Variants in TCF12 observed in about 807,000 individuals in gnomAD.
The protein encoded by TCF12 is DNA-binding protein HTF4.
In TCF12, 45 loss-of-function variants were observed where a neutral mutation model predicts 86.0. That is an observed-to-expected ratio of 0.52 (90% CI 0.41 to 0.67). The LOEUF (loss-of-function observed/expected upper bound fraction) is 0.67, where lower values mean the gene tolerates loss of function less well. TCF12 is among the 30% of genes least tolerant of loss of function. The pLI is 0.00. For synonymous variants in TCF12, 330 were observed against 299.6 expected (o/e 1.10, Z -1.05); for missense variants, 881 against 859.9 (o/e 1.02, Z -0.31).
chr15:57,217,051 T>C (rs2058361740), intron 8 of TCF12, among the ~76,000 whole-genome samples: 1 of 152,162 alleles, frequency 6.6e-6, no homozygotes. Context: ...CAGTAGTGTA[T>C]ACCAAGTGAC....
At chr15:56,935,608 T>G (rs2060435637) in intron 3 of TCF12, among the ~76,000 whole-genome samples, 1 of 152,148 alleles carries the variant, frequency 6.6e-6, no homozygotes, top group African/African-American at 2.4e-5. Flanking sequence ...CAATATGTAG[T>G]CTTTTATCCC....
intron 5 of TCF12, among the ~76,000 whole-genome samples, chr15:57,124,023 C>G (rs2051448045): frequency 1.3e-5 from 2 of 148,632 alleles, no homozygotes; most frequent in African/African-American, 4.9e-5. Context: ...TCACATTGCC[C>G]AGGCTGGTCT....
rs2061961312 is a variant in TCF12, at chr15:57,287,168, A to G, written c.*1023A>G. On this transcript the variant is annotated 3_prime_UTR_variant, in exon 21 of 21. Coordinates refer to ENST00000333725, the MANE Select transcript of TCF12 (RefSeq NM_207037.2). ...CAGTACTTGTAAAGTGTTAGCTGTA[A>G]GTAAGCACAAAATACATTTAAAATA... The G allele has an allele frequency of 6.5e-6, 1 of 153,830 alleles. No homozygotes were observed. Among genetic ancestry groups the G allele is most frequent in the Admixed American group, 6.4e-5 (1 of 15,548 alleles). The allele number at this position is 153,830 out of a possible 1,614,324, so 9.5% of individuals were successfully genotyped here.
intron 3 of TCF12, among the ~76,000 whole-genome samples, chr15:57,042,968 T>G (rs2141470481): frequency 6.6e-6 from 1 of 152,314 alleles, no homozygotes; most frequent in Middle Eastern, 3.4e-3. Flanking sequence ...GTTTCGCTAC[T>G]TTAGATACTT....
At chr15:57,167,850 G>A (rs911248574) in intron 6 of TCF12, among the ~76,000 whole-genome samples, 12 of 152,076 alleles carry the variant, frequency 7.9e-5, no homozygotes, top group East Asian at 1.9e-4. Flanking sequence ...TCTATTTTCC[G>A]TTTATGGTTA....
At chr15:57,023,869 G>A (rs1447232219) in intron 3 of TCF12, among the ~76,000 whole-genome samples, 2 of 152,180 alleles carry the variant, frequency 1.3e-5, no homozygotes, top group Non-Finnish European at 2.9e-5. Flanking sequence ...TGGGACATAA[G>A]TATTCCACCT....
intron 3 of TCF12, among the ~76,000 whole-genome samples, chr15:57,022,636 C>T (rs770991509): frequency 1.1e-4 from 16 of 152,186 alleles, no homozygotes; most frequent in Non-Finnish European, 1.6e-4. Context: ...CTTGTGGAAT[C>T]GCCACCACTG....
intron 8 of TCF12, among the ~76,000 whole-genome samples, chr15:57,222,737 TG>T (rs1405304114): frequency 7.0e-6 from 1 of 142,952 alleles, no homozygotes; most frequent in South Asian, 2.3e-4. Flanking sequence ...AGAAAAGTTT[TG>T]GGGGAAAAAA....
chr15:57,276,559 C>T (rs558393914), intron 19 of TCF12, among the ~76,000 whole-genome samples: 2 of 152,198 alleles, frequency 1.3e-5, no homozygotes, highest in Admixed American at 6.5e-5. Flanking sequence ...GTGCTGAATA[C>T]AGTGATTTCT....
intron 4 of TCF12, among the ~76,000 whole-genome samples, chr15:57,069,478 C>G (rs11631541): frequency 0.36 from 55,035 of 152,028 alleles, 12,413 homozygotes; most frequent in Non-Finnish European, 0.5. Context: ...AGTCATTTAT[C>G]TTTTTGCTCT....
intron 6 of TCF12, among the ~76,000 whole-genome samples, chr15:57,171,718 C>T (rs1198142331): frequency 2.6e-5 from 4 of 152,128 alleles, no homozygotes; most frequent in Non-Finnish European, 4.4e-5. Flanking sequence ...TAAAAGGAAA[C>T]TCATGTGGCA....
At chr15:56,971,426 A>G (rs1236332657) in intron 3 of TCF12, among the ~76,000 whole-genome samples, 2 of 152,042 alleles carry the variant, frequency 1.3e-5, no homozygotes, top group Admixed American at 1.3e-4. Flanking sequence ...CTTTATCTCA[A>G]AAAAGAAAAA....
chr15:57,063,891 G>T lies in TCF12; in HGVS notation c.222+68G>T, dbSNP rs73413351. On this transcript the variant is annotated intron_variant, in intron 4 of 20. Coordinates refer to ENST00000333725, the MANE Select transcript of TCF12 (RefSeq NM_207037.2). ...AGACTACGTAATTTCTTTCATATATGCTGTTTCTTATGAGAAATGAAAATT... is the reference window on the plus strand; with the variant it reads ...AGACTACGTAATTTCTTTCATATATTCTGTTTCTTATGAGAAATGAAAATT... 1,103 of 1,196,844 alleles carry T rather than the reference G, an allele frequency of 9.2e-4. 4 individuals are homozygous for T. In the African/African-American group the frequency reaches 0.013, roughly 14 times the overall value. The allele number at this position is 1,196,844 out of a possible 1,614,324, so 74.1% of individuals were successfully genotyped here.
chr15:57,126,990 T>C (rs1459714167), intron 5 of TCF12, among the ~76,000 whole-genome samples: 1 of 151,480 alleles, frequency 6.6e-6, no homozygotes, highest in Admixed American at 6.6e-5. Context: ...TTTTCTTTTT[T>C]TTTTTTTGGA....
Position 57,231,138 on chromosome 15 carries a change from T to C in TCF12, c.580-14T>C. On this transcript the variant is annotated splice_polypyrimidine_tract_variant and intron_variant, in intron 8 of 20. Transcript: ENST00000333725. ...TCATTTACATTTTAATTAAATGTGC[T>C]GTTTAATTTTAAGGTATATGCACCA... The C allele has an allele frequency of 6.5e-7, 1 of 1,547,342 alleles. No homozygotes were observed. Among genetic ancestry groups the C allele is most frequent in the Non-Finnish European group, 8.9e-7 (1 of 1,120,028 alleles).
intron 3 of TCF12, among the ~76,000 whole-genome samples, chr15:56,930,937 A>C: frequency 6.6e-6 from 1 of 152,122 alleles, no homozygotes; most frequent in East Asian, 1.9e-4. Flanking sequence ...GTAGCGTGTG[A>C]CATATATACC....
intron 5 of TCF12, among the ~76,000 whole-genome samples, chr15:57,104,870 T>TG (rs1227412292): frequency 2.3e-5 from 3 of 130,786 alleles, no homozygotes; most frequent in East Asian, 2.2e-4. Context: ...TGTTTTTTTT[T>TG]TTTTTTTTTT....
chr15:57,227,579 A>G (rs1293509696), intron 8 of TCF12, among the ~76,000 whole-genome samples: 2 of 152,152 alleles, frequency 1.3e-5, no homozygotes, highest in East Asian at 1.9e-4. Context: ...TGATGAGGAC[A>G]TGCAAGATAT....
intron 3 of TCF12, among the ~76,000 whole-genome samples, chr15:56,998,508 CT>C (rs1482318530): frequency 1.3e-5 from 2 of 149,066 alleles, no homozygotes; most frequent in Non-Finnish European, 3.0e-5. Flanking sequence ...CCAGATAAAT[CT>C]AATTGACATT....
Sources: gnomAD v4.1 joint callset for allele counts (sites outside exome capture counted in the v4.1 genomes callset) on GRCh38, gnomAD v4.1.1 for gene constraint, MANE v1.5 for transcripts, NCBI Gene and HGNC (gene_info 2026-07-23, HGNC 2026-07-21) for gene names.